Variants in APLF observed in about 807,000 individuals in gnomAD.
APLF encodes the protein aprataxin and PNK-like factor.
In APLF, 61 loss-of-function variants were observed where a neutral mutation model predicts 55.6. The ratio of observed to expected loss-of-function variants is 1.10; its 90% CI spans 0.89 to 1.36. The LOEUF (loss-of-function observed/expected upper bound fraction) is 1.36, where lower values mean the gene tolerates loss of function less well. Ranked by LOEUF, APLF falls within the 40% of genes most tolerant of loss-of-function variation. APLF has a pLI of 0.00. For missense variants in APLF, 611 were observed against 602.5 expected (o/e 1.01, Z -0.15); for synonymous variants, 207 against 214.8 (o/e 0.96, Z 0.32).
At chr2:68,524,492 A>G (rs1328747340) in intron 5 of APLF, among the ~76,000 whole-genome samples, 1 of 152,174 alleles carries the variant, frequency 6.6e-6, no homozygotes, top group African/African-American at 2.4e-5. Context: ...GGTCAGCCAT[A>G]TATGCATTGT....
rs970199640 is a variant in APLF, at chr2:68,522,480, G to T, written c.623-3581G>T. On this transcript the variant is annotated intron_variant, in intron 5 of 9. Coordinates refer to ENST00000303795, the MANE Select transcript of APLF (RefSeq NM_173545.3). ...CTCTTATCTATATTATGGTTAGTCCGTATTTTTCTTTATGTATGCCTTCTA... is the reference window on the plus strand; with the variant it reads ...CTCTTATCTATATTATGGTTAGTCCTTATTTTTCTTTATGTATGCCTTCTA... Among the ~76,000 whole-genome samples, 6 of 151,656 alleles carry T rather than the reference G, an allele frequency of 4.0e-5. 1 individual carries two copies. The highest frequency in any genetic ancestry group is 3.9e-4 in the Admixed American group (6 of 15,214).
chr2:68,580,121 T>G lies in APLF; in HGVS notation c.*2099T>G. 3.2e-6 allele frequency: 3 copies of G among 942,846 alleles called. No homozygotes were observed. Among genetic ancestry groups the G allele is most frequent in the Non-Finnish European group, 3.8e-6 (3 of 791,064 alleles). The allele number at this position is 942,846 out of a possible 1,614,324, so 58.4% of individuals were successfully genotyped here. A position where few individuals can be genotyped will look rare whatever the true frequency, so the allele number is the denominator to read the frequency against. ...TTTCATAATCATCCTGAAGACACTT[T>G]TGAGTATAACTATTGTATAAATAAA... is the stretch of plus-strand genomic sequence containing the variant. On this transcript the variant is annotated 3_prime_UTR_variant, in exon 10 of 10. Transcript: ENST00000303795.
chr2:68,575,215 G>A (rs1238260834), intron 9 of APLF, among the ~76,000 whole-genome samples: 2 of 152,188 alleles, frequency 1.3e-5, no homozygotes, highest in Non-Finnish European at 1.5e-5. Context: ...GGAGGAGGGA[G>A]CAAGCCAGGT....
chr2:68,471,496 G>A (rs1675614905), intron 1 of APLF, among the ~76,000 whole-genome samples: 1 of 152,098 alleles, frequency 6.6e-6, no homozygotes, highest in South Asian at 2.1e-4. Flanking sequence ...ACTAAATAAG[G>A]CTACAACCTC....
At chr2:68,535,063 C>T (rs889213330) in intron 6 of APLF, among the ~76,000 whole-genome samples, 14 of 152,110 alleles carry the variant, frequency 9.2e-5, no homozygotes, top group African/African-American at 1.9e-4. Context: ...AAAATATATT[C>T]GAGAACCCCT....
At chr2:68,546,030 A>G (rs981122146) in intron 8 of APLF, among the ~76,000 whole-genome samples, 3 of 152,136 alleles carry the variant, frequency 2.0e-5, no homozygotes, top group Non-Finnish European at 4.4e-5. Context: ...TGCTGAACCT[A>G]CTGGGCTATT....
intron 8 of APLF, among the ~76,000 whole-genome samples, chr2:68,551,443 T>C (rs2104029361): frequency 6.6e-6 from 1 of 152,098 alleles, no homozygotes; most frequent in South Asian, 2.1e-4. Flanking sequence ...TCTACTCTAT[T>C]TTATCTTTTC....
chr2:68,498,446 G>A (rs1379091479), intron 2 of APLF, among the ~76,000 whole-genome samples: 1 of 152,198 alleles, frequency 6.6e-6, no homozygotes, highest in Non-Finnish European at 1.5e-5. Context: ...TTGACAAGGA[G>A]AGTTGAATGC....
chr2:68,526,312 T>C, intron 6 of APLF, 70 bp downstream of exon 6: 2 of 1,515,382 alleles, frequency 1.3e-6, no homozygotes, highest in Non-Finnish European at 1.8e-6. Flanking sequence ...AATCATATGC[T>C]ATATAAAGAG....
At chr2:68,501,606 T>G (rs1676724957) in intron 2 of APLF, among the ~76,000 whole-genome samples, 2 of 152,286 alleles carry the variant, frequency 1.3e-5, no homozygotes, top group South Asian at 2.1e-4. Context: ...TCCTTTTTGT[T>G]TTTTGAAGCA....
intron 2 of APLF, among the ~76,000 whole-genome samples, chr2:68,494,013 C>T (rs560445482): frequency 7.2e-5 from 11 of 151,732 alleles, no homozygotes; most frequent in Non-Finnish European, 1.3e-4. Context: ...GAGGCTGAGA[C>T]GGGAGAATGG....
intron 8 of APLF, among the ~76,000 whole-genome samples, chr2:68,548,343 C>A: frequency 6.6e-6 from 1 of 151,684 alleles, no homozygotes; most frequent in African/African-American, 2.4e-5. Flanking sequence ...TATTTGCAAC[C>A]CACATAATTG....
intron 3 of APLF, among the ~76,000 whole-genome samples, chr2:68,505,279 C>G (rs1024657158): frequency 2.0e-5 from 3 of 151,946 alleles, no homozygotes; most frequent in African/African-American, 7.2e-5. Flanking sequence ...GAATTACATA[C>G]TTTTTTCAAA....
chr2:68,478,723 A>G (rs1388901353), intron 1 of APLF, among the ~76,000 whole-genome samples: 5 of 151,462 alleles, frequency 3.3e-5, no homozygotes, highest in African/African-American at 7.3e-5. Context: ...CTACTCTGGA[A>G]AAAAAAAATG....
At chr2:68,510,178 T>C (rs894147863) in intron 3 of APLF, among the ~76,000 whole-genome samples, 1 of 151,604 alleles carries the variant, frequency 6.6e-6, no homozygotes, top group African/African-American at 2.4e-5. Flanking sequence ...GTAACAAACC[T>C]GCATGTTGCG....
At chr2:68,479,114 C>T (rs1305171212) in intron 1 of APLF, among the ~76,000 whole-genome samples, 1 of 152,128 alleles carries the variant, frequency 6.6e-6, no homozygotes, top group Admixed American at 6.6e-5. Context: ...CCCCCAAACA[C>T]AGCATCTCTA....
At chr2:68,537,112 C>A (rs1670412630) in intron 6 of APLF, among the ~76,000 whole-genome samples, 1 of 149,442 alleles carries the variant, frequency 6.7e-6, no homozygotes, top group African/African-American at 2.5e-5. Flanking sequence ...TTGCAGTGAG[C>A]AGATATCGTG....
rs371867010 is a variant in APLF, at chr2:68,467,621, C to G, written c.-111C>G. On this transcript the variant is annotated 5_prime_UTR_variant, in exon 1 of 10. Coordinates refer to ENST00000303795, the MANE Select transcript of APLF (RefSeq NM_173545.3). ...CGCAGCCGCGGGGAGCCTTTGAGGC[C>G]CTCCCTCGGTGTTTTTTCCCAGGGC... is the stretch of plus-strand genomic sequence containing the variant. The G allele has an allele frequency of 5.7e-5, 52 of 914,036 alleles. No individual in the cohort carries two copies. In the South Asian group the frequency reaches 2.5e-3, roughly 43 times the overall value. 56.6% of individuals were successfully genotyped at this position (914,036 alleles called of 1,614,324 possible).
intron 8 of APLF, among the ~76,000 whole-genome samples, chr2:68,552,112 G>A (rs887126033): frequency 1.3e-5 from 2 of 152,046 alleles, no homozygotes; most frequent in Admixed American, 6.6e-5. Flanking sequence ...TACTACCCAT[G>A]CATCTTAAAT....
Sources: gnomAD v4.1 joint callset for allele counts (sites outside exome capture counted in the v4.1 genomes callset) on GRCh38, gnomAD v4.1.1 for gene constraint, MANE v1.5 for transcripts, NCBI Gene and HGNC (gene_info 2026-07-23, HGNC 2026-07-21) for gene names.